PYGO1: variants seen among roughly 807,000 people sequenced by gnomAD.
PYGO1 encodes the protein pygopus homolog 1.
PYGO1 carries 6 observed loss-of-function variants against 29.5 expected under a neutral mutation model. The ratio of observed to expected loss-of-function variants is 0.20; its 90% CI spans 0.11 to 0.40. PYGO1 has a LOEUF of 0.40. Among genes scored for constraint, PYGO1 ranks in the 10% least tolerant of loss-of-function variants. PYGO1 has a pLI of 1.00. For missense variants in PYGO1, 515 were observed against 514.9 expected (o/e 1.00, Z 0.00); for synonymous variants, 186 against 180.5 (o/e 1.03, Z -0.24).
At chr15:55,547,400 G>T (rs981930169) in intron 2 of PYGO1, among the ~76,000 whole-genome samples, 7 of 152,082 alleles carry the variant, frequency 4.6e-5, no homozygotes, top group African/African-American at 1.7e-4. Flanking sequence ...CAAATCCATT[G>T]TAACTTCAAA....
At chr15:55,554,289 C>T (rs1169196519) in intron 1 of PYGO1, among the ~76,000 whole-genome samples, 1 of 151,676 alleles carries the variant, frequency 6.6e-6, no homozygotes, top group Non-Finnish European at 1.5e-5. Flanking sequence ...ATGGTGAAAC[C>T]CCATCTCTAC....
Position 55,587,941 on chromosome 15 carries a change from TGCG to T in PYGO1, c.-61_-59del. ...CGCGGGAATTCGGTCTCTTTGATGC[TGCG>T]GCGGCGGCTCCTCCTCCTCGCGGGG... On this transcript the variant is annotated 5_prime_UTR_variant, in exon 1 of 3. Coordinates refer to ENST00000563719, the MANE Select transcript of PYGO1 (RefSeq NM_001367806.1). 6.9e-7 allele frequency: 1 copy of T among 1,447,352 alleles called. No homozygotes were observed. The highest frequency in any genetic ancestry group is 1.5e-5 in the African/African-American group (1 of 68,266). 89.7% of individuals were successfully genotyped at this position (1,447,352 alleles called of 1,614,324 possible). A position where few individuals can be genotyped will look rare whatever the true frequency, so the allele number is the denominator to read the frequency against.
chr15:55,546,577 G>T lies in PYGO1; in HGVS notation c.706C>A (p.Pro236Thr). ...CCTTGAGTAAAGTCTTGTTTTGGGG[G>T]TGGTGCTTTTGCTTGACCAAAAGTG... is the stretch of plus-strand genomic sequence containing the variant. The part of the protein sequence containing the change: ...PNTFGQAKAP[P>T]PKQDFTQGAT... Residue 236 changes from proline (P) to threonine (T), a missense_variant, in exon 3 of 3, where the codon CCC becomes ACC. By Grantham distance (38) the Pro-to-Thr change is conservative. Coordinates refer to ENST00000563719, the MANE Select transcript of PYGO1 (RefSeq NM_001367806.1). The T allele has an allele frequency of 3.1e-6, 5 of 1,614,034 alleles. No homozygotes were observed. The highest frequency in any genetic ancestry group is 4.2e-6 in the Non-Finnish European group (5 of 1,180,014).
intron 1 of PYGO1, among the ~76,000 whole-genome samples, chr15:55,567,817 G>T (rs1267162826): frequency 1.3e-5 from 2 of 152,068 alleles, no homozygotes; most frequent in Admixed American, 1.3e-4. Flanking sequence ...TCTACATATG[G>T]ATAGCCAGCT....
At chr15:55,574,385 G>T (rs2058992605) in intron 1 of PYGO1, among the ~76,000 whole-genome samples, 1 of 152,136 alleles carries the variant, frequency 6.6e-6, no homozygotes, top group African/African-American at 2.4e-5. Flanking sequence ...TACTGCAAAT[G>T]GTGCCACGTA....
intron 1 of PYGO1, among the ~76,000 whole-genome samples, chr15:55,562,278 G>A (rs1293621350): frequency 2.6e-5 from 4 of 152,212 alleles, no homozygotes; most frequent in Admixed American, 2.0e-4. Flanking sequence ...AAGAAAGTGT[G>A]GTGATTCCTC....
chr15:55,574,576 GT>G (rs1290754935), intron 1 of PYGO1, among the ~76,000 whole-genome samples: 1 of 152,008 alleles, frequency 6.6e-6, no homozygotes, highest in African/African-American at 2.4e-5. Context: ...CATCTGTTGA[GT>G]TTTTTCAATT....
intron 1 of PYGO1, among the ~76,000 whole-genome samples, chr15:55,576,145 C>A (rs1353512688): frequency 6.6e-6 from 1 of 152,142 alleles, no homozygotes; most frequent in African/African-American, 2.4e-5. Context: ...ATCAATAAAG[C>A]TGTTAAAGCT....
intron 1 of PYGO1, among the ~76,000 whole-genome samples, chr15:55,552,689 G>A (rs893108252): frequency 2.6e-4 from 39 of 152,266 alleles, no homozygotes; most frequent in African/African-American, 9.1e-4. Flanking sequence ...GTGAGCCCAT[G>A]CCACCAGGGC....
At chr15:55,547,294 A>C in intron 2 of PYGO1, 147 bp from the exon 3 acceptor site, 1 of 530,568 alleles carries the variant, frequency 1.9e-6, no homozygotes, top group Non-Finnish European at 3.1e-6. Context: ...TTGACCTTTC[A>C]ATTTTGACTA....
chr15:55,548,896 A>C lies in PYGO1; in HGVS notation c.135+14T>G, dbSNP rs200183240. ...AGCAAAGAAAAACTTTTATTAAAGA[A>C]AATGTCAGTTTACCTGTGTATTTGC... On this transcript the variant is annotated intron_variant, in intron 2 of 2. Transcript: ENST00000563719. 1.7e-4 allele frequency: 273 copies of C among 1,602,864 alleles called. No homozygotes were observed. The African/African-American group carries it at 3.3e-3, about 19-fold the overall frequency.
At chr15:55,571,079 C>T (rs899905125) in intron 1 of PYGO1, among the ~76,000 whole-genome samples, 12 of 151,234 alleles carry the variant, frequency 7.9e-5, no homozygotes, top group African/African-American at 2.4e-4. Context: ...ATGAATTTGA[C>T]TACTCTAGAT....
intron 1 of PYGO1, among the ~76,000 whole-genome samples, chr15:55,553,068 TCCA>T (rs1409109949): frequency 2.6e-5 from 4 of 151,850 alleles, no homozygotes; most frequent in Non-Finnish European, 5.9e-5. Context: ...CACTGGGGAG[TCCA>T]GGCAGTCTGG....
At chr15:55,588,951 C>G (rs1218188023), upstream of PYGO1, 4 of 911,708 alleles carry the variant, frequency 4.4e-6, no homozygotes, top group East Asian at 3.0e-5. Flanking sequence ...CTTGACTCTT[C>G]AAGAAAGAGC....
chr15:55,563,366 C>CTT lies in PYGO1; in HGVS notation c.50-14373_50-14372dup, dbSNP rs746208614. ...TGGTGGTTGGTTACATGAATAAATT[C>CTT]TTTTTTTTTTTTTTTTTTGAGACGA... On this transcript the variant is annotated intron_variant, in intron 1 of 2. Transcript: ENST00000563719. Among the ~76,000 whole-genome samples, 320 of 128,752 alleles carry CTT rather than the reference C, an allele frequency of 2.5e-3. 5 individuals carry two copies. Among genetic ancestry groups the CTT allele is most frequent in the East Asian group, 0.016 (72 of 4,426 alleles). The allele number at this position is 128,752 out of a possible 152,430, so 84.5% of individuals were successfully genotyped here.
At chr15:55,554,693 C>T (rs572501133) in intron 1 of PYGO1, among the ~76,000 whole-genome samples, 1 of 151,954 alleles carries the variant, frequency 6.6e-6, no homozygotes. Context: ...CATGATGGAG[C>T]TGAAAAACAC....
At chr15:55,570,255 C>G (rs2058974869) in intron 1 of PYGO1, among the ~76,000 whole-genome samples, 1 of 152,150 alleles carries the variant, frequency 6.6e-6, no homozygotes, top group African/African-American at 2.4e-5. Flanking sequence ...TTAAAGCTCA[C>G]AGAGTTGATC....
Position 55,545,107 on chromosome 15 carries a change from T to A in PYGO1, c.*916A>T, listed in dbSNP as rs2058843945. On this transcript the variant is annotated 3_prime_UTR_variant, in exon 3 of 3. Coordinates refer to ENST00000563719, the MANE Select transcript of PYGO1 (RefSeq NM_001367806.1). ...TTCAAACCACCACTGAGTAGTTCTT[T>A]TACTAGCAGAGCCCTCTAAGGCCAA... The A allele has an allele frequency of 6.6e-6, 1 of 152,200 alleles. No homozygotes were observed. The highest frequency in any genetic ancestry group is 2.4e-5 in the African/African-American group (1 of 41,454). 9.4% of individuals were successfully genotyped at this position (152,200 alleles called of 1,614,324 possible).
chr15:55,549,535 TTTAAG>T (rs1372890063), intron 1 of PYGO1, among the ~76,000 whole-genome samples: 1 of 152,188 alleles, frequency 6.6e-6, no homozygotes, highest in Non-Finnish European at 1.5e-5. Flanking sequence ...TTGATCAATG[TTTAAG>T]TTGTTTCCAA....
Sources: allele counts gnomAD v4.1 joint callset (sites outside exome capture counted in the v4.1 genomes callset), GRCh38; gene constraint gnomAD v4.1.1; transcripts MANE v1.5; gene names NCBI Gene and HGNC (gene_info 2026-07-23, HGNC 2026-07-21).